The following XPA variants were observed in gnomAD, a reference collection of about 807,000 sequenced individuals.
XPA encodes the protein XPA, DNA damage recognition and repair factor.
In XPA, 27 loss-of-function variants were observed where a neutral mutation model predicts 35.7. That is an observed-to-expected ratio of 0.76 (90% CI 0.56 to 1.04). The LOEUF (loss-of-function observed/expected upper bound fraction) is 1.04, where lower values mean the gene tolerates loss of function less well. Ranked by LOEUF, XPA falls within the 50% of genes least tolerant of loss-of-function variation. The probability of loss-of-function intolerance (pLI) is 0.00; values close to 1 mark genes in which losing one functional copy is unlikely to be tolerated. For synonymous variants in XPA, 133 were observed against 118.4 expected, an observed-to-expected ratio of 1.12 and a Z score of -0.80; for missense variants, 354 against 342.7, an observed-to-expected ratio of 1.03 and a Z score of -0.26.
At chr9:97,664,488 T>TA in the XPA span, 1 of 1,313,002 alleles carries the variant, frequency 7.6e-7, no homozygotes, top group Non-Finnish European at 1.1e-6. Flanking sequence ...TAAGAATTGA[T>TA]ATATGTGTGG....
rs1587746283 is a variant in XPA at position 97,687,229 on chromosome 9, T to C, written c.422A>G (p.Lys141Arg). Residue 141 changes from lysine (K) to arginine (R), a missense_variant, in exon 4 of 6, where the codon AAA becomes AGA. By Grantham distance (26) the Lys-to-Arg change is conservative. Coordinates refer to ENST00000375128, the MANE Select transcript of XPA (RefSeq NM_000380.4). The stretch of plus-strand genomic sequence containing the variant: ...AAGATATTCTTGTTTTGCCTCTGTT[T>C]TGGTTATAAGCTTGTGTTTATCATC... ...DADDKHKLIT[K>R]TEAKQEYLLK... The C allele has an allele frequency of 6.2e-7, 1 of 1,610,508 alleles. No homozygotes were observed. Among genetic ancestry groups the C allele is most frequent in the African/African-American group, 1.3e-5 (1 of 74,842 alleles).
chr9:97,687,440 C>G (rs1489313154), intron 3 of XPA, among the ~76,000 whole-genome samples, 179 bp from the exon 4 acceptor site: 3 of 152,174 alleles, frequency 2.0e-5, no homozygotes, highest in Admixed American at 6.5e-5. Flanking sequence ...TTATCTTTTA[C>G]TTATTCTGGT....
At chr9:97,689,284 G>C (rs1208390600) in intron 3 of XPA, among the ~76,000 whole-genome samples, 1 of 152,022 alleles carries the variant, frequency 6.6e-6, no homozygotes, top group Admixed American at 6.6e-5. Context: ...ACTCAGGCCA[G>C]CAGAAAAAGA....
chr9:97,673,961 C>T (rs187039281), downstream of XPA, among the ~76,000 whole-genome samples: 393 of 152,252 alleles, frequency 2.6e-3, 2 homozygotes, highest in Non-Finnish European at 4.8e-3. Context: ...TGCTCATTAA[C>T]TAGTGGTTAT....
intron 1 of XPA, among the ~76,000 whole-genome samples, chr9:97,694,726 CCT>C (rs1258996965): frequency 6.6e-6 from 1 of 152,170 alleles, no homozygotes; most frequent in African/African-American, 2.4e-5. Context: ...CTACACCTCT[CCT>C]ATGACCCAGC....
chr9:97,678,894 TTTGAAGGGCAGGGCAG>T (rs1269110793), intron 5 of XPA, among the ~76,000 whole-genome samples: 1 of 152,124 alleles, frequency 6.6e-6, no homozygotes, highest in Non-Finnish European at 1.5e-5. Context: ...AGAAGCATGT[TTTGAAGGGCAGGGCAG>T]GGGAAGCAGA....
intron 5 of XPA, among the ~76,000 whole-genome samples, chr9:97,677,745 G>A (rs1828412037): frequency 6.9e-6 from 1 of 145,242 alleles, no homozygotes; most frequent in Non-Finnish European, 1.5e-5. Context: ...GATAGGTTTG[G>A]GTTTTTCTTT....
Position 97,675,441 on chromosome 9 carries a change from A to G in XPA, c.820T>C (p.Ter274ArgextTer14), listed in dbSNP as rs781364012. ...AAACAGGTCACTGAACTAAAAAATC[A>G]CATTTTTTCATATGTCAGTTCATGG... The part of the protein sequence containing the change: ...CGHELTYEKM[*>R] The change falls in exon 6 of 6, where the codon TGA becomes CGA. Residue 274 changes from the stop codon to arginine, a stop_lost. Coordinates refer to ENST00000375128, the MANE Select transcript of XPA (RefSeq NM_000380.4). The G allele has an allele frequency of 6.2e-7, 1 of 1,613,014 alleles. No homozygotes were observed. Among genetic ancestry groups the G allele is most frequent in the Non-Finnish European group, 8.5e-7 (1 of 1,179,694 alleles).
intron 3 of XPA, among the ~76,000 whole-genome samples, chr9:97,687,871 C>G (rs1475813097): frequency 6.6e-6 from 1 of 152,090 alleles, no homozygotes; most frequent in Non-Finnish European, 1.5e-5. Flanking sequence ...GGAATTAATA[C>G]ACACAGGAGA....
At chr9:97,661,256 T>C in the XPA span, among the ~76,000 whole-genome samples, 2 of 152,332 alleles carry the variant, frequency 1.3e-5, no homozygotes, top group East Asian at 1.9e-4. Context: ...TTCTGTGATA[T>C]AGCTTACTTA....
chr9:97,692,858 C>A (rs1401657073), intron 2 of XPA, among the ~76,000 whole-genome samples: 1 of 151,926 alleles, frequency 6.6e-6, no homozygotes, highest in Non-Finnish European at 1.5e-5. Flanking sequence ...TCCCCAGCCA[C>A]CCCCCAACCC....
chr9:97,662,328 A>T, the XPA span, among the ~76,000 whole-genome samples: 1 of 152,212 alleles, frequency 6.6e-6, no homozygotes, highest in African/African-American at 2.4e-5. Flanking sequence ...GTCTGTTTGT[A>T]CAGTTGGCAT....
At chr9:97,655,111 G>A in the XPA span, among the ~76,000 whole-genome samples, 63 of 152,226 alleles carry the variant, frequency 4.1e-4, 1 homozygote, top group African/African-American at 1.3e-3. Flanking sequence ...GTAACATTAC[G>A]TTTTTTGATG....
At chr9:97,693,250 T>C (rs1201087880) in intron 2 of XPA, among the ~76,000 whole-genome samples, 1 of 152,244 alleles carries the variant, frequency 6.6e-6, no homozygotes, top group African/African-American at 2.4e-5. Context: ...GTCTATCTTA[T>C]ACTTTGTAAG....
chr9:97,655,171 C>A, the XPA span, among the ~76,000 whole-genome samples: 1 of 152,132 alleles, frequency 6.6e-6, no homozygotes, highest in South Asian at 2.1e-4. Context: ...GTATCAAAGA[C>A]TATACTTTGG....
chr9:97,675,717 C>G, intron 5 of XPA, 130 bp from the exon 6 acceptor site: 1 of 1,146,286 alleles, frequency 8.7e-7, no homozygotes, highest in Middle Eastern at 2.2e-4. Flanking sequence ...ATATAGTTTA[C>G]CTTAATTTTA....
At chr9:97,677,693 C>G (rs1417610375) in intron 5 of XPA, among the ~76,000 whole-genome samples, 1 of 150,916 alleles carries the variant, frequency 6.6e-6, no homozygotes, top group African/African-American at 2.4e-5. Context: ...AAGACTGTCT[C>G]AAAGAAAAAA....
chr9:97,659,316 T>C, the XPA span, among the ~76,000 whole-genome samples: 1 of 152,326 alleles, frequency 6.6e-6, no homozygotes, highest in South Asian at 2.1e-4. Context: ...ACTTGTTCTT[T>C]GCAGATTACA....
Position 97,697,227 on chromosome 9 carries a change from G to C in XPA, c.66C>G (p.Ala22=). The change falls in exon 1 of 6, where the codon GCC becomes GCG. Residue 22 remains alanine, a synonymous_variant. Transcript: ENST00000375128. ...TCCGCTCGATACTCGCCCGCACCGA[G>C]GCAGGCAGCTCCGCGGGTTGCTCTA... ...AALEQPAELP[A]SVRASIERKR... is the part of the protein sequence containing the mutation. 1 of 1,601,392 alleles carries C rather than the reference G, an allele frequency of 6.2e-7. No individual in the cohort carries two copies. The highest frequency in any genetic ancestry group is 8.5e-7 in the Non-Finnish European group (1 of 1,179,084).
Sources: allele counts gnomAD v4.1 joint callset (sites outside exome capture counted in the v4.1 genomes callset), GRCh38; gene constraint gnomAD v4.1.1; transcripts MANE v1.5; gene names NCBI Gene and HGNC (gene_info 2026-07-23, HGNC 2026-07-21).